The following ZMAT4 variants were observed in gnomAD, a reference collection of about 807,000 sequenced individuals.
The protein encoded by ZMAT4 is zinc finger matrin-type protein 4.
A neutral mutation model predicts 28.7 loss-of-function variants in ZMAT4; 17 were observed. The observed-to-expected ratio is 0.59, with a 90% CI of 0.41 to 0.89. ZMAT4 has a LOEUF of 0.89. ZMAT4 is among the 40% of genes least tolerant of loss of function. The probability of loss-of-function intolerance (pLI) is 0.00; values close to 1 mark genes in which losing one functional copy is unlikely to be tolerated. For synonymous variants in ZMAT4, 117 were observed against 109.2 expected, an observed-to-expected ratio of 1.07 and a Z score of -0.44; for missense variants, 240 against 283.8, an observed-to-expected ratio of 0.85 and a Z score of 1.11.
intron 3 of ZMAT4, among the ~76,000 whole-genome samples, chr8:40,743,533 C>T (rs533695112): frequency 1.4e-4 from 21 of 152,328 alleles, no homozygotes; most frequent in Non-Finnish European, 2.8e-4. Flanking sequence ...TTCATTTATT[C>T]ATCCTACACT....
At chr8:40,822,705 C>A (rs753086220) in intron 2 of ZMAT4, among the ~76,000 whole-genome samples, 1 of 152,184 alleles carries the variant, frequency 6.6e-6, no homozygotes, top group Non-Finnish European at 1.5e-5. Context: ...ACATGCTCAG[C>A]AGCTTTGCGG....
At chr8:40,545,880 T>TA in intron 6 of ZMAT4, among the ~76,000 whole-genome samples, 1 of 148,088 alleles carries the variant, frequency 6.8e-6, no homozygotes, top group East Asian at 2.0e-4. Flanking sequence ...AGGAAAAAAG[T>TA]AACCAAGGAA....
chr8:40,608,482 G>A (rs937264357), intron 5 of ZMAT4, among the ~76,000 whole-genome samples: 1 of 152,184 alleles, frequency 6.6e-6, no homozygotes, highest in Non-Finnish European at 1.5e-5. Flanking sequence ...CTGAGAATAA[G>A]TCCCATGCTA....
At chr8:40,750,389 A>T (rs1371717992) in intron 3 of ZMAT4, among the ~76,000 whole-genome samples, 3 of 152,154 alleles carry the variant, frequency 2.0e-5, no homozygotes, top group African/African-American at 7.2e-5. Context: ...GAAGACAGCA[A>T]GCGTGATTTA....
In ZMAT4 at chr8:40,782,255, G is replaced by T. The variant is rs140498551; in HGVS notation, c.103-14525C>A. 5.7e-4 allele frequency among the ~76,000 whole-genome samples: 86 copies of T among 152,108 alleles called. 1 individual carries two copies. In the East Asian group the frequency reaches 0.016, roughly 29 times the overall value. The stretch of plus-strand genomic sequence containing the variant: ...ATAAAAATTAGCTGGGCATGGTGGT[G>T]GGTGCCTGTAGTCCCAGCTGCTTGG... On this transcript the variant is annotated intron_variant, in intron 2 of 6. Transcript: ENST00000297737.
At chr8:40,535,044 C>G (rs1054081480) in intron 6 of ZMAT4, among the ~76,000 whole-genome samples, 1 of 152,026 alleles carries the variant, frequency 6.6e-6, no homozygotes, top group Non-Finnish European at 1.5e-5. Flanking sequence ...TTCATGGGGT[C>G]TCAGGAAGCA....
intron 1 of ZMAT4, among the ~76,000 whole-genome samples, chr8:40,843,150 G>C (rs1816760274): frequency 6.6e-6 from 1 of 152,220 alleles, no homozygotes; most frequent in South Asian, 2.1e-4. Flanking sequence ...AGAGAGGCAA[G>C]GCCAAGAAGC....
intron 5 of ZMAT4, among the ~76,000 whole-genome samples, chr8:40,619,784 C>T (rs1032381585): frequency 3.9e-5 from 6 of 152,118 alleles, no homozygotes; most frequent in Non-Finnish European, 7.3e-5. Context: ...TCAGGCTTTT[C>T]GACAATCCCC....
At chr8:40,723,661 G>A (rs2150519967) in intron 3 of ZMAT4, among the ~76,000 whole-genome samples, 1 of 151,830 alleles carries the variant, frequency 6.6e-6, no homozygotes, top group East Asian at 1.9e-4. Flanking sequence ...CCAGATTTAG[G>A]AATCTAACCA....
At chr8:40,691,256 C>T (rs533813188) in intron 4 of ZMAT4, among the ~76,000 whole-genome samples, 26 of 152,230 alleles carry the variant, frequency 1.7e-4, no homozygotes, top group South Asian at 1.2e-3. Flanking sequence ...CTGAGCAAAG[C>T]TTATTTTCTC....
chr8:40,861,955 C>T (rs184611441), intron 1 of ZMAT4, among the ~76,000 whole-genome samples: 6 of 152,092 alleles, frequency 3.9e-5, no homozygotes, highest in Non-Finnish European at 7.4e-5. Flanking sequence ...AATAGGAACA[C>T]TTTTATACTG....
rs148209891 is a variant in ZMAT4, at chr8:40,842,620, C to T, written c.-4-16940G>A. 1.2e-4 allele frequency among the ~76,000 whole-genome samples: 19 copies of T among 152,248 alleles called. No individual in the cohort carries two copies. In the East Asian group the frequency reaches 3.7e-3, roughly 29 times the overall value. On this transcript the variant is annotated intron_variant, in intron 1 of 6. Coordinates refer to ENST00000297737, the MANE Select transcript of ZMAT4 (RefSeq NM_024645.3). ...AGCAGTGATTTACAAGTCATCCTCA[C>T]CTGCCAGTGACATAGAAAGTCCATG... is the stretch of plus-strand genomic sequence containing the variant.
At chr8:40,654,230 G>A (rs974331053) in intron 5 of ZMAT4, among the ~76,000 whole-genome samples, 2 of 152,070 alleles carry the variant, frequency 1.3e-5, no homozygotes, top group Non-Finnish European at 2.9e-5. Context: ...ATGCTGCTGA[G>A]CACCATTACC....
chr8:40,829,977 C>G (rs1816219666), intron 1 of ZMAT4, among the ~76,000 whole-genome samples: 2 of 151,994 alleles, frequency 1.3e-5, no homozygotes, highest in Non-Finnish European at 2.9e-5. Flanking sequence ...AATCTCAAAA[C>G]CTAGATGGAA....
At chr8:40,613,295 G>T (rs945022824) in intron 5 of ZMAT4, among the ~76,000 whole-genome samples, 1 of 141,166 alleles carries the variant, frequency 7.1e-6, no homozygotes, top group Non-Finnish European at 1.5e-5. Flanking sequence ...CAATCCTCCT[G>T]ACTCAGTCGT....
At chr8:40,555,584 C>T (rs1233946397) in intron 6 of ZMAT4, among the ~76,000 whole-genome samples, 1 of 152,142 alleles carries the variant, frequency 6.6e-6, no homozygotes, top group Non-Finnish European at 1.5e-5. Context: ...CTGAAACTCA[C>T]AGAGGATAAG....
At chr8:40,570,853 G>T (rs544141464) in intron 6 of ZMAT4, among the ~76,000 whole-genome samples, 50 of 152,204 alleles carry the variant, frequency 3.3e-4, no homozygotes, top group African/African-American at 1.1e-3. Flanking sequence ...GGTCTATAAG[G>T]CTCCACCACT....
intron 2 of ZMAT4, among the ~76,000 whole-genome samples, chr8:40,813,026 G>T (rs1815390806): frequency 1.3e-5 from 2 of 151,206 alleles, no homozygotes; most frequent in Non-Finnish European, 2.9e-5. Context: ...TAGTAATAAT[G>T]TATTAATACT....
At chr8:40,837,931 A>G (rs1205321425) in intron 1 of ZMAT4, among the ~76,000 whole-genome samples, 2 of 152,242 alleles carry the variant, frequency 1.3e-5, no homozygotes, top group Admixed American at 1.3e-4. Context: ...CATGCTCCTC[A>G]CCCCTGGCAC....
Sources: gnomAD v4.1 joint callset for allele counts (sites outside exome capture counted in the v4.1 genomes callset) on GRCh38, gnomAD v4.1.1 for gene constraint, MANE v1.5 for transcripts, NCBI Gene and HGNC (gene_info 2026-07-23, HGNC 2026-07-21) for gene names.